Variants in NRXN3 observed in about 807,000 individuals in gnomAD.
NRXN3 encodes the protein neurexin III.
NRXN3 carries 32 observed loss-of-function variants against 137.6 expected under a neutral mutation model. The ratio of observed to expected loss-of-function variants is 0.23; its 90% CI spans 0.18 to 0.31. The LOEUF is 0.31. NRXN3 is among the 10% of genes least tolerant of loss of function. The pLI is 1.00. For missense variants in NRXN3, 1,574 were observed against 2,062.5 expected (o/e 0.76, Z 4.59); for synonymous variants, 798 against 784.5 (o/e 1.02, Z -0.29).
chr14:79,144,531 C>A (rs143663790), intron 15 of NRXN3, among the ~76,000 whole-genome samples: 20 of 152,264 alleles, frequency 1.3e-4, no homozygotes, highest in Non-Finnish European at 2.8e-4. Flanking sequence ...ATGCTCTGAA[C>A]CATCATGCCT....
At chr14:79,652,746 T>G (rs1473745266) in intron 16 of NRXN3, among the ~76,000 whole-genome samples, 6 of 151,908 alleles carry the variant, frequency 3.9e-5, no homozygotes, top group Non-Finnish European at 8.8e-5. Flanking sequence ...GGAAAGCACT[T>G]TCCTTTTCAT....
chr14:79,130,546 C>A (rs2057310900), intron 15 of NRXN3, among the ~76,000 whole-genome samples: 2 of 152,086 alleles, frequency 1.3e-5, no homozygotes, highest in African/African-American at 4.8e-5. Flanking sequence ...GCCGAGAGAT[C>A]AGCTGTTAGT....
chr14:79,280,822 C>T (rs968810612), intron 15 of NRXN3: 1 of 393,112 alleles, frequency 2.5e-6, no homozygotes, highest in Non-Finnish European at 4.7e-6. Context: ...TCTTTTGCAA[C>T]CTTCTACTCT....
chr14:79,336,478 C>T (rs749532180), intron 15 of NRXN3, among the ~76,000 whole-genome samples: 3 of 152,092 alleles, frequency 2.0e-5, no homozygotes, highest in Non-Finnish European at 4.4e-5. Flanking sequence ...GTGATGGTGA[C>T]GACAAGGAGA....
intron 15 of NRXN3, among the ~76,000 whole-genome samples, chr14:79,053,132 G>T (rs907592595): frequency 3.3e-5 from 5 of 152,126 alleles, no homozygotes; most frequent in African/African-American, 1.2e-4. Context: ...AGACAAACAA[G>T]GATGCTATTC....
intron 10 of NRXN3, among the ~76,000 whole-genome samples, chr14:78,936,760 G>T (rs1421399267): frequency 6.6e-6 from 1 of 152,168 alleles, no homozygotes; most frequent in Non-Finnish European, 1.5e-5. Flanking sequence ...CAGTTAGCCC[G>T]AAGAGTTGCT....
chr14:78,962,082 T>C lies in NRXN3; in HGVS notation c.2396-3943T>C, dbSNP rs1270055508. Among the ~76,000 whole-genome samples, 25 of 152,234 alleles carry C rather than the reference T, an allele frequency of 1.6e-4. 1 individual carries two copies. The highest frequency in any genetic ancestry group is 1.6e-3 in the Admixed American group (25 of 15,280). On this transcript the variant is annotated intron_variant, in intron 11 of 20. Coordinates refer to ENST00000335750, the MANE Select transcript of NRXN3 (RefSeq NM_001330195.2). ...CCAGTTAAATTCTACCTACTGCTTT[T>C]CTTGGGCAATGATGTGAGGAATAAG...
chr14:79,092,217 G>A (rs1263978833), intron 15 of NRXN3, among the ~76,000 whole-genome samples: 1 of 152,130 alleles, frequency 6.6e-6, no homozygotes. Flanking sequence ...TTGACTATTA[G>A]GATACAGGAC....
At chr14:79,111,308 C>G (rs529215931) in intron 15 of NRXN3, among the ~76,000 whole-genome samples, 1 of 152,276 alleles carries the variant, frequency 6.6e-6, no homozygotes, top group South Asian at 2.1e-4. Context: ...ATTAAAATCT[C>G]AAATACTCAC....
intron 4 of NRXN3, among the ~76,000 whole-genome samples, chr14:78,518,347 G>A (rs1209465660): frequency 6.6e-6 from 1 of 151,338 alleles, no homozygotes. Flanking sequence ...CAGTCTTTAT[G>A]TTTAGCATCA....
At chr14:78,901,491 A>G (rs561293663) in intron 10 of NRXN3, among the ~76,000 whole-genome samples, 23 of 152,174 alleles carry the variant, frequency 1.5e-4, no homozygotes, top group Admixed American at 3.3e-4. Context: ...ATAAAAGTCT[A>G]TAAGTATGTG....
At chr14:78,302,507 A>G (rs1329838204) in intron 4 of NRXN3, among the ~76,000 whole-genome samples, 3 of 152,112 alleles carry the variant, frequency 2.0e-5, no homozygotes, top group African/African-American at 7.2e-5. Context: ...CCCCTACTCT[A>G]TACTGTCTTT....
intron 4 of NRXN3, among the ~76,000 whole-genome samples, chr14:78,575,144 G>C (rs1016995857): frequency 6.6e-6 from 1 of 152,192 alleles, no homozygotes; most frequent in African/African-American, 2.4e-5. Flanking sequence ...TGCCATGATT[G>C]TAAGTTTCCT....
chr14:79,223,985 C>T (rs2070330905), intron 15 of NRXN3, among the ~76,000 whole-genome samples: 1 of 151,766 alleles, frequency 6.6e-6, no homozygotes, highest in South Asian at 2.1e-4. Context: ...TTCTGAATTC[C>T]TATTTTATTT....
At chr14:79,548,312 G>A (rs1312562403) in intron 16 of NRXN3, among the ~76,000 whole-genome samples, 1 of 152,114 alleles carries the variant, frequency 6.6e-6, no homozygotes, top group Admixed American at 6.5e-5. Flanking sequence ...TCCTGTGTTA[G>A]TTTGCTGAGA....
At chr14:79,733,465 C>T (rs149559278) in intron 19 of NRXN3, among the ~76,000 whole-genome samples, 4 of 152,156 alleles carry the variant, frequency 2.6e-5, no homozygotes, top group East Asian at 1.9e-4. Context: ...GAAGAGAAAA[C>T]GTGCCGCTAA....
chr14:79,618,248 G>A (rs945152235), intron 16 of NRXN3, among the ~76,000 whole-genome samples: 5 of 151,982 alleles, frequency 3.3e-5, no homozygotes, highest in African/African-American at 7.2e-5. Context: ...CTTGTTACAT[G>A]GATAGATTGT....
At chr14:78,277,758 C>T (rs1185350274) in intron 2 of NRXN3, among the ~76,000 whole-genome samples, 1 of 152,136 alleles carries the variant, frequency 6.6e-6, no homozygotes, top group East Asian at 1.9e-4. Flanking sequence ...CAGCCCGATT[C>T]TATTTCACAT....
At chr14:78,191,921 G>C (rs1163444545) in intron 1 of NRXN3, among the ~76,000 whole-genome samples, 3 of 152,126 alleles carry the variant, frequency 2.0e-5, no homozygotes, top group Admixed American at 1.3e-4. Flanking sequence ...GTGAGGGGGG[G>C]AGGGTGGTCT....
Sources: allele counts gnomAD v4.1 joint callset (sites outside exome capture counted in the v4.1 genomes callset), GRCh38; gene constraint gnomAD v4.1.1; transcripts MANE v1.5; gene names NCBI Gene and HGNC (gene_info 2026-07-23, HGNC 2026-07-21).